The following MAX variants were observed in gnomAD, a reference collection of about 807,000 sequenced individuals.
MAX encodes protein max.
MAX carries 3 observed loss-of-function variants against 22.3 expected under a neutral mutation model. That is an observed-to-expected ratio of 0.13 (90% CI 0.06 to 0.35). MAX has a LOEUF of 0.35. Among genes scored for constraint, MAX ranks in the 10% least tolerant of loss-of-function variants. The pLI is 1.00. For missense variants in MAX, 119 were observed against 209.4 expected, an observed-to-expected ratio of 0.57 and a Z score of 2.66; for synonymous variants, 72 against 77.7, an observed-to-expected ratio of 0.93 and a Z score of 0.39.
chr14:65,057,752 A>G (rs79246840), intron 3 of MAX, among the ~76,000 whole-genome samples: 2,689 of 152,286 alleles, frequency 0.018, 46 homozygotes, highest in African/African-American at 0.041. Context: ...GCTTGGATAT[A>G]ATGTTATCTT....
rs895135790 is a variant in MAX, at chr14:65,077,159, A to G, written c.296-496T>C. The G allele has an allele frequency of 4.7e-5, 29 of 617,028 alleles. No individual in the cohort carries two copies. In the African/African-American group the frequency reaches 5.0e-4, roughly 11 times the overall value. The allele number at this position is 617,028 out of a possible 1,614,324, so 38.2% of individuals were successfully genotyped here. A position where few individuals can be genotyped will look rare whatever the true frequency, so the allele number is the denominator to read the frequency against. On this transcript the variant is annotated intron_variant, in intron 4 of 4. Coordinates refer to ENST00000358664, the MANE Select transcript of MAX (RefSeq NM_002382.5). This position sits in a 1 kb window ranked among gnomAD's most constrained non-coding sequence, Gnocchi z 6.3. ...GGACACTTGGAAGCAAGTCACCAAT[A>G]CACATAAAATACCTGGGCTTTTCAA...
At chr14:65,039,877 C>T (rs1387327456) in intron 3 of MAX, among the ~76,000 whole-genome samples, 2 of 152,096 alleles carry the variant, frequency 1.3e-5, no homozygotes, top group East Asian at 1.9e-4. Context: ...AAAAATATTA[C>T]TAGTAGACCT....
downstream of MAX, among the ~76,000 whole-genome samples, chr14:65,070,749 G>C (rs1341247838): frequency 1.3e-5 from 2 of 152,250 alleles, no homozygotes; most frequent in Non-Finnish European, 2.9e-5. This position sits in a 1 kb window ranked among gnomAD's most constrained non-coding sequence, Gnocchi z 4.4. Context: ...CCCTGAAGGG[G>C]AAGGCTGAAA....
chr14:65,011,512 G>C lies in MAX; in HGVS notation c.172-5228C>G, dbSNP rs1301029864. Among the ~76,000 whole-genome samples the C allele has an allele frequency of 6.6e-6, 1 of 151,968 alleles. No individual in the cohort carries two copies. The highest frequency in any genetic ancestry group is 1.5e-5 in the Non-Finnish European group (1 of 68,022). ...AGTGGGAATTTGATAAACAATTGTG[G>C]AATTGACTACCTAGCAAAGGGAATG... On this transcript the variant is annotated intron_variant, in intron 3 of 3. Transcript: ENST00000341653. This position sits in a 1 kb window ranked among gnomAD's most constrained non-coding sequence, Gnocchi z 4.0.
intron 3 of MAX, among the ~76,000 whole-genome samples, chr14:65,026,849 G>T (rs1295935041): frequency 6.6e-6 from 1 of 151,116 alleles, no homozygotes; most frequent in Non-Finnish European, 1.5e-5. Context: ...GCGACCGAGG[G>T]CAACCCCGCC....
chr14:65,060,380 G>C (rs1206804486), intron 3 of MAX, among the ~76,000 whole-genome samples: 1 of 150,392 alleles, frequency 6.6e-6, no homozygotes. Context: ...CCTGAGGTCA[G>C]GAGTTCGAGA....
chr14:65,015,808 G>A, intron 3 of MAX: 2 of 1,433,962 alleles, frequency 1.4e-6, no homozygotes, highest in East Asian at 2.3e-5. Context: ...TGTTTGGAAT[G>A]GAAAAAAACA....
intron 3 of MAX, among the ~76,000 whole-genome samples, chr14:65,042,339 C>A (rs961016286): frequency 1.3e-5 from 2 of 152,196 alleles, no homozygotes; most frequent in Non-Finnish European, 2.9e-5. Flanking sequence ...AGCTTGTTTT[C>A]TTTCAACTAG....
Position 65,077,974 on chromosome 14 carries a change from G to A in MAX, c.234C>T (p.Asn78=). The A allele has an allele frequency of 6.2e-7, 1 of 1,614,136 alleles. No homozygotes were observed. The highest frequency in any genetic ancestry group is 8.5e-7 in the Non-Finnish European group (1 of 1,180,016). The change falls in exon 4 of 5, where the codon AAC becomes AAT. Residue 78 remains asparagine, a synonymous_variant. Transcript: ENST00000358664. This position sits in a 1 kb window ranked among gnomAD's most constrained non-coding sequence, Gnocchi z 6.3. ...CGTCAATATCTTGCTGGTGTGTGTG[G>A]TTTTTCCTTCGCATATACTGGATAT... The part of the protein sequence containing the change: ...TEYIQYMRRK[N]HTHQQDIDDL...
In MAX at chr14:65,044,324, G is replaced by T. The variant is rs1219965569; in HGVS notation, c.172-38040C>A. On this transcript the variant is annotated intron_variant, in intron 3 of 3. Transcript: ENST00000341653. The surrounding 1 kb of genome is among the most constrained non-coding windows in gnomAD (Gnocchi z 5.5). ...GTGTCTCCTCAGCAATGGGTGACAA[G>T]CCGGCAGATGCGATTTGAAGGAGGA... 6.2e-7 allele frequency: 1 copy of T among 1,613,510 alleles called. No homozygotes were observed. Among genetic ancestry groups the T allele is most frequent in the Non-Finnish European group, 8.5e-7 (1 of 1,179,802 alleles).
rs148055330 is a variant in MAX at position 65,079,024 on chromosome 14, C to G, written c.172-988G>C. 2.0e-5 allele frequency among the ~76,000 whole-genome samples: 3 copies of G among 152,216 alleles called. No individual in the cohort carries two copies. The highest frequency in any genetic ancestry group is 2.4e-5 in the African/African-American group (1 of 41,462). On this transcript the variant is annotated intron_variant, in intron 3 of 4. Coordinates refer to ENST00000358664, the MANE Select transcript of MAX (RefSeq NM_002382.5). This position sits in a 1 kb window ranked among gnomAD's most constrained non-coding sequence, Gnocchi z 4.5. ...GACTCCTGAACTGTACTCCTCCCAT[C>G]TCCTCTGGTTCTTTAGGTTGCTTTA...
chr14:65,077,242 G>T lies in MAX; in HGVS notation c.296-579C>A. On this transcript the variant is annotated intron_variant, in intron 4 of 4. Transcript: ENST00000358664. This position sits in a 1 kb window ranked among gnomAD's most constrained non-coding sequence, Gnocchi z 6.3. ...AACCAACCCACTGACACCACCCACT[G>T]CCCATCCCTTGGTTCAGCTCAGCTT... 1.2e-6 allele frequency: 1 copy of T among 863,576 alleles called. No homozygotes were observed. The highest frequency in any genetic ancestry group is 1.9e-6 in the Non-Finnish European group (1 of 527,910). The allele number at this position is 863,576 out of a possible 1,614,324, so 53.5% of individuals were successfully genotyped here. A position where few individuals can be genotyped will look rare whatever the true frequency, so the allele number is the denominator to read the frequency against.
chr14:65,013,845 G>GTTATTTAAATC (rs1348611031), intron 3 of MAX, among the ~76,000 whole-genome samples: 1 of 152,226 alleles, frequency 6.6e-6, no homozygotes, highest in Non-Finnish European at 1.5e-5. Context: ...ACTGCGCCCA[G>GTTATTTAAATC]TTGCATTCTC....
At chr14:65,095,426 T>G (rs901394018) in intron 2 of MAX, among the ~76,000 whole-genome samples, 4 of 152,234 alleles carry the variant, frequency 2.6e-5, no homozygotes, top group African/African-American at 7.2e-5. Flanking sequence ...AACCTGAGGG[T>G]AGAGGTAGGT....
chr14:65,071,214 TC>T (rs2062985439), downstream of MAX, among the ~76,000 whole-genome samples: 1 of 152,104 alleles, frequency 6.6e-6, no homozygotes, highest in Non-Finnish European at 1.5e-5. The surrounding 1 kb of genome is among the most constrained non-coding windows in gnomAD (Gnocchi z 4.2). Context: ...TGATCTTGGC[TC>T]ACTGCAACCT....
chr14:65,061,786 G>A (rs760507264), intron 3 of MAX: 1 of 155,770 alleles, frequency 6.4e-6, no homozygotes, highest in African/African-American at 2.4e-5. Context: ...CTGTAAGACT[G>A]TGGTGGAGTT....
At chr14:65,037,937 A>G (rs1303575997) in intron 3 of MAX, among the ~76,000 whole-genome samples, 1 of 151,108 alleles carries the variant, frequency 6.6e-6, no homozygotes, top group African/African-American at 2.4e-5. Flanking sequence ...GCGCCACGAC[A>G]CCCAGCTAAT....
chr14:65,044,230 AGATT>A lies in MAX; in HGVS notation c.172-37950_172-37947del. 1 of 1,600,356 alleles carries A rather than the reference AGATT, an allele frequency of 6.2e-7. No homozygotes were observed. Among genetic ancestry groups the A allele is most frequent in the Non-Finnish European group, 8.5e-7 (1 of 1,175,436 alleles). On this transcript the variant is annotated intron_variant, in intron 3 of 3. Transcript: ENST00000341653. This position sits in a 1 kb window ranked among gnomAD's most constrained non-coding sequence, Gnocchi z 5.5. ...CAAGATGGGAAACCCTCCATCCCAC[AGATT>A]GACTCCTGGAGATTCTGTCGGGCTG...
intron 2 of MAX, among the ~76,000 whole-genome samples, chr14:65,095,080 G>A (rs1326378350): frequency 6.6e-6 from 1 of 152,214 alleles, no homozygotes; most frequent in Non-Finnish European, 1.5e-5. Context: ...CAAGAGTTGT[G>A]AAAACGAAAG....
Sources: gnomAD v4.1 joint callset for allele counts (sites outside exome capture counted in the v4.1 genomes callset) on GRCh38, gnomAD v4.1.1 for gene constraint, Gnocchi (gnomAD v3.1) non-coding constraint, MANE v1.5 for transcripts, NCBI Gene and HGNC (gene_info 2026-07-23, HGNC 2026-07-21) for gene names.